Variants in MDFIC2 observed in about 807,000 individuals in gnomAD.
The protein encoded by MDFIC2 is MyoD family inhibitor domain containing 2, also known as myoD family inhibitor domain-containing protein 2.
At chr3:70,217,875 C>G (rs1232887640) in intron 2 of MDFIC2, among the ~76,000 whole-genome samples, 1 of 152,114 alleles carries the variant, frequency 6.6e-6, no homozygotes, top group East Asian at 1.9e-4. Context: ...GGCTCCCTAT[C>G]AGCATCTATC....
At position 70,258,152 on chromosome 3, in the gene MDFIC2, G is replaced by A. The variant is rs11708757; in HGVS notation, c.89-51362C>T. 9.9e-5 allele frequency among the ~76,000 whole-genome samples: 15 copies of A among 151,908 alleles called. No homozygotes were observed. In the East Asian group the frequency reaches 2.5e-3, roughly 26 times the overall value. On this transcript the variant is annotated intron_variant, in intron 2 of 3. Coordinates refer to ENST00000567252, the MANE Select transcript of MDFIC2 (RefSeq NM_001364677.1). ...AAAAATTAATTTGAAATGGATCATCGATCTAAATGTAAGGCAAAAACTATC... is the reference window on the plus strand; with the variant it reads ...AAAAATTAATTTGAAATGGATCATCAATCTAAATGTAAGGCAAAAACTATC...
intron 2 of MDFIC2, among the ~76,000 whole-genome samples, chr3:70,267,394 CTTTTTTTT>C (rs9310185): frequency 1.3e-5 from 1 of 74,846 alleles, no homozygotes; most frequent in Non-Finnish European, 2.3e-5. Context: ...TTTTTAATAG[CTTTTTTTT>C]TTTTTTTTTT....
chr3:70,226,737 T>TAA (rs369777217), intron 2 of MDFIC2, among the ~76,000 whole-genome samples: 7,047 of 121,314 alleles, frequency 0.058, 418 homozygotes, highest in East Asian at 0.2. Context: ...GACTCTGTCT[T>TAA]AAAAAAAAAA....
chr3:70,207,348 T>C (rs999563246), intron 2 of MDFIC2, among the ~76,000 whole-genome samples: 8 of 152,106 alleles, frequency 5.3e-5, no homozygotes, highest in African/African-American at 1.9e-4. Context: ...CCTTGGTATT[T>C]AAGTTCCTAT....
chr3:70,293,045 CAA>C (rs55990203), intron 2 of MDFIC2, among the ~76,000 whole-genome samples: 4 of 74,780 alleles, frequency 5.3e-5, no homozygotes, highest in South Asian at 4.5e-4. Context: ...TGGTTTGAAG[CAA>C]AAAAAAAAAA....
intron 2 of MDFIC2, among the ~76,000 whole-genome samples, chr3:70,269,129 G>A (rs1461466453): frequency 1.3e-5 from 2 of 151,994 alleles, no homozygotes; most frequent in African/African-American, 4.8e-5. Context: ...ATATTTACAA[G>A]GCTGACATAT....
chr3:70,295,853 T>C (rs56194113), intron 2 of MDFIC2, among the ~76,000 whole-genome samples: 60,796 of 152,048 alleles, frequency 0.4, 12,621 homozygotes, highest in South Asian at 0.56. Context: ...AAGCTGAATG[T>C]GGTTTAATAG....
At chr3:70,238,237 A>C (rs1231641547) in intron 2 of MDFIC2, among the ~76,000 whole-genome samples, 1 of 151,824 alleles carries the variant, frequency 6.6e-6, no homozygotes, top group Non-Finnish European at 1.5e-5. Context: ...TGGGAGTAAC[A>C]GTTCTCTCCT....
At chr3:70,260,668 T>C (rs952940239) in intron 2 of MDFIC2, among the ~76,000 whole-genome samples, 1 of 152,136 alleles carries the variant, frequency 6.6e-6, no homozygotes, top group South Asian at 2.1e-4. Flanking sequence ...GACTGCCCTC[T>C]TTATACAGCT....
chr3:70,310,447 C>T (rs926664436), intron 2 of MDFIC2, among the ~76,000 whole-genome samples: 6 of 150,974 alleles, frequency 4.0e-5, no homozygotes, highest in African/African-American at 1.5e-4. Context: ...CTCACTGCAA[C>T]CTCTGCCTCC....
intron 2 of MDFIC2, chr3:70,291,222 A>G (rs1161660905): frequency 1.3e-5 from 2 of 151,978 alleles, no homozygotes; most frequent in African/African-American, 4.8e-5. Context: ...CAGCTCCTCC[A>G]CCTACCAGCT....
At chr3:70,208,849 A>G (rs1334293555) in intron 2 of MDFIC2, among the ~76,000 whole-genome samples, 1 of 152,002 alleles carries the variant, frequency 6.6e-6, no homozygotes, top group Non-Finnish European at 1.5e-5. Context: ...TTTAATTTCT[A>G]TTCTCTTCCT....
Position 70,209,680 on chromosome 3 carries a change from A to G in MDFIC2, c.89-2890T>C, listed in dbSNP as rs76537842. On this transcript the variant is annotated intron_variant, in intron 2 of 3. Transcript: ENST00000567252. ...CTTTGTGCTTGTCCTTTTCCCTTTT[A>G]TATTATGCAATGTTTTCTCTGATTT... Among the ~76,000 whole-genome samples the G allele has an allele frequency of 3.3e-4, 50 of 152,110 alleles. No homozygotes were observed. The East Asian group carries it at 9.5e-3, about 29-fold the overall frequency.
intron 2 of MDFIC2, among the ~76,000 whole-genome samples, chr3:70,219,140 A>G (rs1203339688): frequency 2.0e-5 from 3 of 152,198 alleles, no homozygotes; most frequent in Non-Finnish European, 4.4e-5. Flanking sequence ...AGTCCTTGAA[A>G]CAGCCTCTCC....
rs1701168177 is a variant in MDFIC2 at position 70,195,581 on chromosome 3, T to C, written c.*1345A>G. ...ATTACCTAAGTCAGGAAAAAACAGGTATTTTGGAGCTTTCTTTTGTTGTTG... is the reference window on the plus strand; with the variant it reads ...ATTACCTAAGTCAGGAAAAAACAGGCATTTTGGAGCTTTCTTTTGTTGTTG... On this transcript the variant is annotated 3_prime_UTR_variant, in exon 4 of 4. Coordinates refer to ENST00000567252, the MANE Select transcript of MDFIC2 (RefSeq NM_001364677.1). Among the ~76,000 whole-genome samples the C allele has an allele frequency of 6.6e-6, 1 of 152,200 alleles. No homozygotes were observed. Among genetic ancestry groups the C allele is most frequent in the South Asian group, 2.1e-4 (1 of 4,838 alleles).
intron 2 of MDFIC2, among the ~76,000 whole-genome samples, chr3:70,257,580 A>G (rs529351169): frequency 7.9e-5 from 12 of 152,280 alleles, no homozygotes; most frequent in Admixed American, 2.0e-4. Flanking sequence ...AAACCCATGA[A>G]ATACTGAGGA....
chr3:70,199,858 A>G (rs1245014917), intron 3 of MDFIC2, among the ~76,000 whole-genome samples: 1 of 152,136 alleles, frequency 6.6e-6, no homozygotes, highest in Non-Finnish European at 1.5e-5. Flanking sequence ...TGTATACCAT[A>G]TATGCTATTG....
At chr3:70,261,166 T>G (rs563279737) in intron 2 of MDFIC2, among the ~76,000 whole-genome samples, 4 of 152,216 alleles carry the variant, frequency 2.6e-5, no homozygotes, top group East Asian at 1.9e-4. Flanking sequence ...TTTGGTTCCC[T>G]TATGCATTGC....
At chr3:70,248,330 G>A (rs1332619048) in intron 2 of MDFIC2, among the ~76,000 whole-genome samples, 2 of 152,048 alleles carry the variant, frequency 1.3e-5, no homozygotes, top group African/African-American at 4.8e-5. Context: ...CACCTCTGAA[G>A]GAGTTTATAA....
Sources: gnomAD v4.1 joint callset for allele counts (sites outside exome capture counted in the v4.1 genomes callset) on GRCh38, gnomAD v4.1.1 for gene constraint, MANE v1.5 for transcripts, NCBI Gene and HGNC (gene_info 2026-07-23, HGNC 2026-07-21) for gene names.